The following NUP37 variants were observed in gnomAD, a reference collection of about 807,000 sequenced individuals.
NUP37 encodes nucleoporin 37.
NUP37 carries 33 observed loss-of-function variants against 45.4 expected under a neutral mutation model. The observed-to-expected ratio is 0.73, with a 90% CI of 0.55 to 0.97. The LOEUF is 0.97. Among genes scored for constraint, NUP37 ranks in the 50% least tolerant of loss-of-function variants. NUP37 has a pLI of 0.00. For synonymous variants in NUP37, 127 were observed against 130.7 expected, an observed-to-expected ratio of 0.97 and a Z score of 0.19; for missense variants, 365 against 389.7, an observed-to-expected ratio of 0.94 and a Z score of 0.53.
chr12:102,118,449 A>G lies in NUP37; in HGVS notation c.70T>C (p.Phe24Leu), dbSNP rs369774741. The change falls in exon 2 of 10, where the codon TTT becomes CTT. Residue 24 changes from phenylalanine to leucine, a missense_variant. Coordinates refer to ENST00000552283, the MANE Select transcript of NUP37 (RefSeq NM_024057.4). ...DCEDYVHVVE[F>L]NPFENGDSGN... ...GAATCCCCATTCTCAAAGGGATTAA[A>G]TTCTACCACATGCACATAATCTTCA... 19 of 1,613,936 alleles carry G rather than the reference A, an allele frequency of 1.2e-5. No individual in the cohort carries two copies. In the East Asian group the frequency reaches 4.2e-4, roughly 36 times the overall value.
At chr12:102,089,349 A>T (rs12305674) in intron 5 of NUP37, among the ~76,000 whole-genome samples, 13 of 111,054 alleles carry the variant, frequency 1.2e-4, no homozygotes, top group East Asian at 2.8e-4. Flanking sequence ...CGCTCCTCAC[A>T]TCCCAGACTG....
intron 2 of NUP37, 42 bp downstream of exon 2, chr12:102,118,299 TTGTGTAAGTTCTCTTAGTAGTG>T: frequency 6.9e-7 from 1 of 1,440,572 alleles, no homozygotes; most frequent in Non-Finnish European, 9.4e-7. Flanking sequence ...TAGATTTGGT[TTGTGTAAGTTCTCTTAGTAGTG>T]AAATATGTTC....
intron 5 of NUP37, among the ~76,000 whole-genome samples, chr12:102,091,003 T>C (rs1263388057): frequency 6.6e-6 from 1 of 152,162 alleles, no homozygotes; most frequent in African/African-American, 2.4e-5. Flanking sequence ...AAAATTCAGG[T>C]TTTAATATTT....
At chr12:102,093,747 C>T (rs951787898) in intron 5 of NUP37, among the ~76,000 whole-genome samples, 12 of 152,068 alleles carry the variant, frequency 7.9e-5, no homozygotes, top group Admixed American at 6.5e-5. Flanking sequence ...TTATCATTCA[C>T]ATCAATGGTC....
At chr12:102,114,163 C>A (rs1210626176) in intron 2 of NUP37, among the ~76,000 whole-genome samples, 1 of 152,222 alleles carries the variant, frequency 6.6e-6, no homozygotes, top group Non-Finnish European at 1.5e-5. Flanking sequence ...GGAGCCTAAT[C>A]ATAGCTGACT....
rs1491552083 is a variant in NUP37 at position 102,073,253 on chromosome 12, T to TG, written c.*1100dup. 2 of 152,212 alleles carry TG rather than the reference T, an allele frequency of 1.3e-5. No homozygotes were observed. The highest frequency in any genetic ancestry group is 2.9e-5 in the Non-Finnish European group (2 of 68,028). The allele number at this position is 152,212 out of a possible 1,614,324, so 9.4% of individuals were successfully genotyped here. ...AAATGTATTGGATTCTGTATGTGAC[T>TG]GACAAGCAGAACCATAATTTTATAT... On this transcript the variant is annotated 3_prime_UTR_variant, in exon 10 of 10. Transcript: ENST00000552283.
In NUP37 at chr12:102,112,114, A is replaced by C. The variant is rs770853497; in HGVS notation, c.275T>G (p.Val92Gly). The C allele has an allele frequency of 6.2e-7, 1 of 1,613,532 alleles. No individual in the cohort carries two copies. The highest frequency in any genetic ancestry group is 2.2e-5 in the East Asian group (1 of 44,838). The stretch of plus-strand genomic sequence containing the variant: ...TTGGTACTGTTAAACTTACTTGATT[A>C]CTGGAGGCAATGAATCAAGTCTAGT... ...PETRLDSLPPVIKFCTSAADM... is the reference protein window; with the variant it reads ...PETRLDSLPPGIKFCTSAADM... Residue 92 changes from valine (V) to glycine (G), a missense_variant, in exon 3 of 10, where the codon GTA (valine) becomes GGA (glycine). Coordinates refer to ENST00000552283, the MANE Select transcript of NUP37 (RefSeq NM_024057.4).
In NUP37 at chr12:102,077,124, C is replaced by T. The variant is rs1879193066; in HGVS notation, c.722+198G>A. 8.0e-5 allele frequency: 51 copies of T among 637,230 alleles called. No individual in the cohort carries two copies. In the South Asian group the frequency reaches 9.9e-4, roughly 12 times the overall value. The allele number at this position is 637,230 out of a possible 1,614,324, so 39.5% of individuals were successfully genotyped here. ...CCAAGATTTCCTCTTTTGCACTGTC[C>T]TTTCTGGGTTACTCCCAGAGTAAAT... On this transcript the variant is annotated intron_variant, in intron 7 of 9. Coordinates refer to ENST00000552283, the MANE Select transcript of NUP37 (RefSeq NM_024057.4).
chr12:102,091,920 T>G (rs1221798715), intron 5 of NUP37, among the ~76,000 whole-genome samples: 5 of 152,160 alleles, frequency 3.3e-5, no homozygotes, highest in Non-Finnish European at 7.3e-5. Context: ...TCAGGCCGAG[T>G]GCTTTTCAGC....
chr12:102,119,705 T>C (rs1166988953), intron 1 of NUP37, among the ~76,000 whole-genome samples: 2 of 152,158 alleles, frequency 1.3e-5, no homozygotes, highest in Non-Finnish European at 1.5e-5. Flanking sequence ...GCAAGTGTTA[T>C]GGACACGGAG....
intron 5 of NUP37, among the ~76,000 whole-genome samples, chr12:102,089,587 C>T (rs1879585942): frequency 6.8e-6 from 1 of 146,560 alleles, no homozygotes; most frequent in Non-Finnish European, 1.5e-5. Flanking sequence ...AGAGGCACTC[C>T]TCACCTCCCA....
chr12:102,110,201 C>T (rs1880270771), intron 3 of NUP37, among the ~76,000 whole-genome samples: 1 of 152,086 alleles, frequency 6.6e-6, no homozygotes. Context: ...ACCAGAATGG[C>T]TAAAATTAAA....
At chr12:102,077,078 A>C (rs1879191356) in intron 7 of NUP37, 1 of 610,222 alleles carries the variant, frequency 1.6e-6, no homozygotes, top group South Asian at 2.0e-5. Flanking sequence ...ATTTTCCAAT[A>C]TAAGTCAACA....
chr12:102,105,861 CA>C (rs759252411), intron 3 of NUP37, among the ~76,000 whole-genome samples: 789 of 73,700 alleles, frequency 0.011, 1 homozygote, highest in African/African-American at 0.019. Flanking sequence ...GACTCCCTCT[CA>C]AAAAAAAAAA....
chr12:102,081,588 A>C (rs774405496), intron 6 of NUP37, among the ~76,000 whole-genome samples: 1 of 152,256 alleles, frequency 6.6e-6, no homozygotes, highest in Non-Finnish European at 1.5e-5. Flanking sequence ...ACAAAATACA[A>C]TACTACTACT....
At chr12:102,099,363 C>T (rs973412163) in intron 4 of NUP37, among the ~76,000 whole-genome samples, 163 bp from the exon 5 acceptor site, 1 of 152,152 alleles carries the variant, frequency 6.6e-6, no homozygotes, top group Non-Finnish European at 1.5e-5. Flanking sequence ...TTTATACACC[C>T]ACTTTTCTAG....
intron 5 of NUP37, among the ~76,000 whole-genome samples, chr12:102,095,053 G>T (rs965527469): frequency 2.6e-5 from 4 of 151,906 alleles, no homozygotes; most frequent in African/African-American, 9.7e-5. Context: ...ACTGAATATT[G>T]GGTATACTAA....
At chr12:102,085,710 T>C in intron 6 of NUP37, 56 bp downstream of exon 6, 2 of 817,994 alleles carry the variant, frequency 2.4e-6, no homozygotes. Flanking sequence ...ATGTGATGTC[T>C]TATATCTCTA....
At chr12:102,076,284 A>C (rs940741353) in intron 8 of NUP37, among the ~76,000 whole-genome samples, 2 of 152,180 alleles carry the variant, frequency 1.3e-5, no homozygotes, top group African/African-American at 4.8e-5. Context: ...CACTGGTTTT[A>C]GTCTCTTATT....
Sources: allele counts gnomAD v4.1 joint callset (sites outside exome capture counted in the v4.1 genomes callset), GRCh38; gene constraint gnomAD v4.1.1; transcripts MANE v1.5; gene names NCBI Gene and HGNC (gene_info 2026-07-23, HGNC 2026-07-21).